CBLN2: variants seen among roughly 807,000 people sequenced by gnomAD.
The protein encoded by CBLN2 is cerebellin 2 precursor, also known as cerebellin-2.
Under a neutral mutation model 15.0 loss-of-function variants are expected in CBLN2, and 7 were observed. The observed-to-expected ratio is 0.47, with a 90% CI of 0.27 to 0.88. The LOEUF (loss-of-function observed/expected upper bound fraction) is 0.88. CBLN2 is among the 40% of genes least tolerant of loss of function. The pLI, the probability that CBLN2 is intolerant of heterozygous loss-of-function variation, is 0.14. For missense variants in CBLN2, 242 were observed against 304.5 expected, an observed-to-expected ratio of 0.79 and a Z score of 1.53; for synonymous variants, 149 against 135.2, an observed-to-expected ratio of 1.10 and a Z score of -0.71.
At chr18:72,578,794 A>C (rs2144915688) in intron 1 of CBLN2, among the ~76,000 whole-genome samples, 1 of 152,342 alleles carries the variant, frequency 6.6e-6, no homozygotes, top group South Asian at 2.1e-4. Flanking sequence ...ATAATGATGA[A>C]GGTTTAAGAA....
chr18:72,571,415 A>G (rs918894357), intron 1 of CBLN2, among the ~76,000 whole-genome samples: 1 of 152,204 alleles, frequency 6.6e-6, no homozygotes, highest in African/African-American at 2.4e-5. Flanking sequence ...AAAAAAAGAA[A>G]AAGAAAAAAA....
chr18:72,630,565 A>G (rs1474263989), intron 1 of CBLN2, among the ~76,000 whole-genome samples: 6 of 97,086 alleles, frequency 6.2e-5, no homozygotes, highest in Non-Finnish European at 1.1e-4. Flanking sequence ...ACACACATGC[A>G]GAGAGAGAGA....
At chr18:72,566,903 C>T (rs1257030425) in intron 1 of CBLN2, among the ~76,000 whole-genome samples, 1 of 152,082 alleles carries the variant, frequency 6.6e-6, no homozygotes, top group Non-Finnish European at 1.5e-5. Flanking sequence ...CAGCACACTG[C>T]AGCTTCCACC....
intron 1 of CBLN2, among the ~76,000 whole-genome samples, chr18:72,626,024 G>T (rs7505305): frequency 0.21 from 31,292 of 151,344 alleles, 4,983 homozygotes; most frequent in African/African-American, 0.45. Context: ...TGCCCGTCAC[G>T]CCCCAGCCTT....
chr18:72,579,435 A>G (rs2069388675), intron 1 of CBLN2, among the ~76,000 whole-genome samples: 1 of 152,206 alleles, frequency 6.6e-6, no homozygotes, highest in South Asian at 2.1e-4. Flanking sequence ...TTGAGCTGGA[A>G]GAATTTAGGC....
rs767630045 is a variant in CBLN2 at position 72,538,339 on chromosome 18, G to A, written c.512C>T (p.Ser171Leu). The change falls in exon 5 of 5, where the codon TCG (serine) becomes TTG (leucine). Residue 171 changes from serine (S) to leucine (L), a missense_variant. By Grantham distance (145) the Ser-to-Leu change is moderately radical. Transcript: ENST00000269503. ...SLMQNGYPVI[S>L]AFAGDQDVTR... The stretch of plus-strand genomic sequence containing the variant: ...GACATCCTGGTCTCCTGCAAAGGCC[G>A]AGATCACTGGGTAGCCATTCTGCAT... 2.5e-6 allele frequency: 4 copies of A among 1,614,154 alleles called. No individual in the cohort carries two copies. Among genetic ancestry groups the A allele is most frequent in the Non-Finnish European group, 3.4e-6 (4 of 1,180,038 alleles).
intron 1 of CBLN2, among the ~76,000 whole-genome samples, chr18:72,564,436 AG>A (rs933368608): frequency 3.9e-5 from 6 of 152,266 alleles, no homozygotes; most frequent in Admixed American, 3.9e-4. Flanking sequence ...CAGCAACAAA[AG>A]TTCAAGCAGA....
In CBLN2 at chr18:72,584,689, C is replaced by T. The variant is rs189173300; in HGVS notation, c.16-45917G>A. Among the ~76,000 whole-genome samples, 559 of 152,110 alleles carry T rather than the reference C, an allele frequency of 3.7e-3. 2 individuals are homozygous for T. Among genetic ancestry groups the T allele is most frequent in the Admixed American group, 6.5e-3 (100 of 15,294 alleles). ...ATTGTTTATTTTATTTGTTACATTG[C>T]CAGTAGAAAAAAGACTGCTTGGGAC... On this transcript the variant is annotated intron_variant, in intron 1 of 2. Transcript: ENST00000581073.
In CBLN2 at chr18:72,537,148, G is replaced by A. The variant is rs2069069017; in HGVS notation, c.*1028C>T. 1 of 152,050 alleles carries A rather than the reference G, an allele frequency of 6.6e-6. No individual in the cohort carries two copies. Among genetic ancestry groups the A allele is most frequent in the Non-Finnish European group, 1.5e-5 (1 of 68,038 alleles). The allele number at this position is 152,050 out of a possible 1,614,324, so 9.4% of individuals were successfully genotyped here. A position where few individuals can be genotyped will look rare whatever the true frequency, so the allele number is the denominator to read the frequency against. On this transcript the variant is annotated 3_prime_UTR_variant, in exon 5 of 5. Transcript: ENST00000269503. The stretch of plus-strand genomic sequence containing the variant: ...TCACAGCACACGTGGCAAAGACATA[G>A]TATGTTTAGGGGACTTGGTCATTAC...
chr18:72,626,967 A>G (rs1449059163), intron 1 of CBLN2, among the ~76,000 whole-genome samples: 2 of 152,308 alleles, frequency 1.3e-5, no homozygotes, highest in South Asian at 2.1e-4. Context: ...AACTTTATAT[A>G]AATGGACACA....
intron 1 of CBLN2, among the ~76,000 whole-genome samples, chr18:72,559,041 G>A (rs1328309475): frequency 6.6e-6 from 1 of 152,186 alleles, no homozygotes; most frequent in African/African-American, 2.4e-5. Context: ...GGCAATGGGA[G>A]TGAGACCCTG....
chr18:72,562,031 T>A (rs1360148976), intron 1 of CBLN2, among the ~76,000 whole-genome samples: 2 of 152,176 alleles, frequency 1.3e-5, no homozygotes, highest in East Asian at 3.8e-4. Flanking sequence ...CAGAACTAAC[T>A]CACAGAACAG....
chr18:72,538,127 A>G lies in CBLN2; in HGVS notation c.*49T>C. On this transcript the variant is annotated 3_prime_UTR_variant, in exon 5 of 5. Transcript: ENST00000269503. ...AAGTTCAGGGTGTTTTAAAGGGCGGAGTCCTGGGTCCAGTTTGCCATTCCC... is the reference window on the plus strand; with the variant it reads ...AAGTTCAGGGTGTTTTAAAGGGCGGGGTCCTGGGTCCAGTTTGCCATTCCC... The G allele has an allele frequency of 6.3e-7, 1 of 1,588,392 alleles. No homozygotes were observed. Among genetic ancestry groups the G allele is most frequent in the South Asian group, 1.1e-5 (1 of 90,466 alleles).
In CBLN2 at chr18:72,542,802, A is replaced by G. The variant is rs372725279; in HGVS notation, c.-166-476T>C. On this transcript the variant is annotated intron_variant, in intron 2 of 4. Coordinates refer to ENST00000269503, the MANE Select transcript of CBLN2 (RefSeq NM_182511.4). ...ATTTTTCAATCCTCGAGATGTTTTT[A>G]AAGTCCATTTAAGTCCCTTTGGTAC... Among the ~76,000 whole-genome samples, 5 of 152,076 alleles carry G rather than the reference A, an allele frequency of 3.3e-5. No homozygotes were observed. The East Asian group carries it at 9.7e-4, about 30-fold the overall frequency.
At chr18:72,596,686 T>C (rs1568127326) in intron 1 of CBLN2, among the ~76,000 whole-genome samples, 1 of 152,216 alleles carries the variant, frequency 6.6e-6, no homozygotes, top group Non-Finnish European at 1.5e-5. Flanking sequence ...TTTTACTGGA[T>C]GTACTATTGT....
At chr18:72,568,391 C>CA (rs2069310301) in intron 1 of CBLN2, among the ~76,000 whole-genome samples, 1 of 152,154 alleles carries the variant, frequency 6.6e-6, no homozygotes, top group Non-Finnish European at 1.5e-5. Context: ...GAACATCTCT[C>CA]AACTGTGCTT....
intron 2 of CBLN2, among the ~76,000 whole-genome samples, chr18:72,542,711 C>G (rs1431046888): frequency 1.3e-5 from 2 of 152,178 alleles, no homozygotes. Flanking sequence ...GCCTTCATCT[C>G]ACAGCATTTC....
intron 1 of CBLN2, among the ~76,000 whole-genome samples, chr18:72,565,089 G>A (rs978805483): frequency 6.6e-6 from 1 of 152,156 alleles, no homozygotes; most frequent in African/African-American, 2.4e-5. Context: ...ACAAGCAAAA[G>A]CTGAAGGAAT....
At chr18:72,630,495 A>AACACACACACACAC (rs3030024) in intron 1 of CBLN2, among the ~76,000 whole-genome samples, 68 of 140,484 alleles carry the variant, frequency 4.8e-4, no homozygotes, top group African/African-American at 1.7e-3. Flanking sequence ...CTACTGCTCC[A>AACACACACACACAC]ACACACACAC....
Sources: gnomAD v4.1 joint callset for allele counts (sites outside exome capture counted in the v4.1 genomes callset) on GRCh38, gnomAD v4.1.1 for gene constraint, MANE v1.5 for transcripts, NCBI Gene and HGNC (gene_info 2026-07-23, HGNC 2026-07-21) for gene names.